Variants in GPR78 observed in about 807,000 individuals in gnomAD.
The protein encoded by GPR78 is G protein-coupled receptor 78.
Under a neutral mutation model 17.9 loss-of-function variants are expected in GPR78, and 29 were observed. That is an observed-to-expected ratio of 1.62 (90% CI 1.20 to 2.21). The LOEUF (loss-of-function observed/expected upper bound fraction) is 2.21, where lower values mean the gene tolerates loss of function less well. Among genes scored for constraint, GPR78 ranks in the 30% most tolerant of loss-of-function variants. GPR78 has a pLI of 0.00. For synonymous variants in GPR78, 349 were observed against 256.9 expected (o/e 1.36, Z -3.43); for missense variants, 649 against 530.5 (o/e 1.22, Z -2.19).
intron 2 of GPR78, among the ~76,000 whole-genome samples, chr4:8,585,499 C>G (rs1378406608): frequency 1.3e-5 from 2 of 152,140 alleles, no homozygotes; most frequent in Non-Finnish European, 2.9e-5. Flanking sequence ...TTGGCTGTGA[C>G]CAGTCTCCAG....
rs1713234742 is a variant in GPR78 at position 8,580,705 on chromosome 4, G to C, written c.-278G>C. ...GCCTCAGGACAGTCCTGCCGGGACG[G>C]TGAGCGCATTCAGCACCCTGGACAG... On this transcript the variant is annotated 5_prime_UTR_variant, in exon 1 of 3. Transcript: ENST00000382487. 1 of 505,602 alleles carries C rather than the reference G, an allele frequency of 2.0e-6. No individual in the cohort carries two copies. Among genetic ancestry groups the C allele is most frequent in the Admixed American group, 3.9e-5 (1 of 25,816 alleles). 31.3% of individuals were successfully genotyped at this position (505,602 alleles called of 1,614,324 possible).
rs933206617 is a variant in GPR78 at position 8,580,824 on chromosome 4, C to T, written c.-159C>T. On this transcript the variant is annotated 5_prime_UTR_variant, in exon 1 of 3. Transcript: ENST00000382487. The stretch of plus-strand genomic sequence containing the variant: ...CGGGTGCCCCGGACCCTGCACTTGC[C>T]GCCGCTTTCCTCGCGCTGCTCTGGA... 66 of 739,216 alleles carry T rather than the reference C, an allele frequency of 8.9e-5. No individual in the cohort carries two copies. The highest frequency in any genetic ancestry group is 2.0e-4 in the South Asian group (10 of 50,970). The allele number at this position is 739,216 out of a possible 1,614,324, so 45.8% of individuals were successfully genotyped here.
At position 8,589,474 on chromosome 4, in the gene GPR78, C is replaced by T. The variant is rs939277953; in HGVS notation, c.*2111C>T. Among the ~76,000 whole-genome samples the T allele has an allele frequency of 1.3e-5, 2 of 152,044 alleles. No homozygotes were observed. The highest frequency in any genetic ancestry group is 1.3e-4 in the Admixed American group (2 of 15,276). On this transcript the variant is annotated 3_prime_UTR_variant, in exon 3 of 3. Transcript: ENST00000382487. Reference sequence around the variant, plus strand: ...ACGTGAACTCGAGACCGTGCTGCACCCCGGTGCCCCTGTGCTTATAAGGGA... The same window carrying T: ...ACGTGAACTCGAGACCGTGCTGCACTCCGGTGCCCCTGTGCTTATAAGGGA...
In GPR78 at chr4:8,587,238, C is replaced by G; in HGVS notation, c.967C>G (p.His323Asp). ...LKRTPRPAST[H>D]DSSLDVAGMV... Reference sequence around the variant, plus strand: ...GAGAACCCCGCGCCCAGCATCCACCCATGACAGCTCTCTGGATGTGGCCGG... The same window carrying G: ...GAGAACCCCGCGCCCAGCATCCACCGATGACAGCTCTCTGGATGTGGCCGG... The change falls in exon 3 of 3, where the codon CAT becomes GAT. Residue 323 changes from histidine (H) to aspartate (D), a missense_variant. His to Asp is a moderately conservative substitution (Grantham distance 81). Transcript: ENST00000382487. The G allele has an allele frequency of 6.2e-7, 1 of 1,606,632 alleles. No homozygotes were observed. The highest frequency in any genetic ancestry group is 1.1e-5 in the South Asian group (1 of 90,472).
At position 8,582,617 on chromosome 4, in the gene GPR78, T is replaced by A. The variant is rs756223947; in HGVS notation, c.755T>A (p.Ile252Asn). Reference protein sequence around the residue: ...KIGIAIATFLICFAPYVMTRL... With the variant: ...KIGIAIATFLNCFAPYVMTRL... ...GGCATTGCTATTGCGACCTTCCTCA[T>A]CTGCTTTGCCCCGTATGTCATGACC... Residue 252 changes from isoleucine (I) to asparagine (N), a missense_variant, in exon 2 of 3, where the codon ATC becomes AAC. Physicochemically the swap from Ile to Asn is moderately radical, Grantham distance 149 (BLOSUM62 -3). Transcript: ENST00000382487. The A allele has an allele frequency of 1.2e-6, 2 of 1,613,056 alleles. No homozygotes were observed. The highest frequency in any genetic ancestry group is 2.7e-5 in the African/African-American group (2 of 74,910).
intron 2 of GPR78, among the ~76,000 whole-genome samples, chr4:8,585,308 A>T (rs970660917): frequency 6.6e-6 from 1 of 152,180 alleles, no homozygotes; most frequent in Non-Finnish European, 1.5e-5. Context: ...GTGGCTCCAG[A>T]CACAGCCTCA....
At position 8,580,884 on chromosome 4, in the gene GPR78, T is replaced by C. The variant is rs1221310187; in HGVS notation, c.-99T>C. On this transcript the variant is annotated 5_prime_UTR_variant, in exon 1 of 3. Coordinates refer to ENST00000382487, the MANE Select transcript of GPR78 (RefSeq NM_080819.5). ...CCGGCTCTGCACCTCCCAGAAGCCGTGGGCGCGCCGCTCAGCTGCTCCATC... is the reference window on the plus strand; with the variant it reads ...CCGGCTCTGCACCTCCCAGAAGCCGCGGGCGCGCCGCTCAGCTGCTCCATC... 37 of 1,179,270 alleles carry C rather than the reference T, an allele frequency of 3.1e-5. No individual in the cohort carries two copies. The highest frequency in any genetic ancestry group is 3.9e-5 in the Non-Finnish European group (34 of 865,084). 73.1% of individuals were successfully genotyped at this position (1,179,270 alleles called of 1,614,324 possible).
rs754162901 is a variant in GPR78, at chr4:8,581,271, G to A, written c.289G>A (p.Val97Met). The change falls in exon 1 of 3, where the codon GTG becomes ATG. Residue 97 changes from valine to methionine, a missense_variant. Coordinates refer to ENST00000382487, the MANE Select transcript of GPR78 (RefSeq NM_080819.5). ...TFLASNAALS[V>M]AALSADQWLA... ...CCTGGCGTCCAACGCGGCGCTGAGC[G>A]TGGCGGCGCTGAGCGCAGACCAGTG... 9 of 1,590,026 alleles carry A rather than the reference G, an allele frequency of 5.7e-6. No homozygotes were observed. In the East Asian group the frequency reaches 6.8e-5, roughly 12 times the overall value.
chr4:8,584,009 G>C (rs1172933084), intron 2 of GPR78, among the ~76,000 whole-genome samples: 1 of 152,164 alleles, frequency 6.6e-6, no homozygotes, highest in East Asian at 1.9e-4. Context: ...CTATTTATCT[G>C]ATTATCATGT....
At chr4:8,585,473 C>T (rs1052240450) in intron 2 of GPR78, among the ~76,000 whole-genome samples, 6 of 152,188 alleles carry the variant, frequency 3.9e-5, no homozygotes, top group Non-Finnish European at 8.8e-5. Context: ...GACCTTCCTT[C>T]CCACTTGCCT....
In GPR78 at chr4:8,581,722, G is replaced by A. The variant is rs552277741; in HGVS notation, c.668+72G>A. On this transcript the variant is annotated intron_variant, in intron 1 of 2. Coordinates refer to ENST00000382487, the MANE Select transcript of GPR78 (RefSeq NM_080819.5). ...GCTCCCTGGGCAGTTGGCTTGAGGA[G>A]CCTGTGGGCATCACCACCGTTACTC... The A allele has an allele frequency of 8.4e-6, 10 of 1,184,358 alleles. No homozygotes were observed. The East Asian group carries it at 8.5e-5, about 10-fold the overall frequency. 73.4% of individuals were successfully genotyped at this position (1,184,358 alleles called of 1,614,324 possible). A position where few individuals can be genotyped will look rare whatever the true frequency, so the allele number is the denominator to read the frequency against.
At position 8,587,489 on chromosome 4, in the gene GPR78, T is replaced by C; in HGVS notation, c.*126T>C. 1 of 923,306 alleles carries C rather than the reference T, an allele frequency of 1.1e-6. No homozygotes were observed. Among genetic ancestry groups the C allele is most frequent in the Middle Eastern group, 2.9e-4 (1 of 3,502 alleles). The allele number at this position is 923,306 out of a possible 1,614,324, so 57.2% of individuals were successfully genotyped here. A position where few individuals can be genotyped will look rare whatever the true frequency, so the allele number is the denominator to read the frequency against. On this transcript the variant is annotated 3_prime_UTR_variant, in exon 3 of 3. Coordinates refer to ENST00000382487, the MANE Select transcript of GPR78 (RefSeq NM_080819.5). Reference sequence around the variant, plus strand: ...GCTTGACTTTGAGCTAAGGCTGAAGTACAGGAGGAGGAGGAGGAGAGGGCC... The same window carrying C: ...GCTTGACTTTGAGCTAAGGCTGAAGCACAGGAGGAGGAGGAGGAGAGGGCC...
chr4:8,581,542 T>G lies in GPR78; in HGVS notation c.560T>G (p.Val187Gly). ...HAVGFVLPLA[V>G]LCLTSLQVHR... is the part of the protein sequence containing the mutation. ...GTGGGCTTCGTGCTGCCGCTGGCGGTGCTCTGCCTCACCTCGCTCCAGGTG... is the reference window on the plus strand; with the variant it reads ...GTGGGCTTCGTGCTGCCGCTGGCGGGGCTCTGCCTCACCTCGCTCCAGGTG... Residue 187 changes from valine (V) to glycine (G), a missense_variant, in exon 1 of 3, where the codon GTG becomes GGG. By Grantham distance (109) the Val-to-Gly change is moderately radical (BLOSUM62 -3). Transcript: ENST00000382487. 1 of 1,586,960 alleles carries G rather than the reference T, an allele frequency of 6.3e-7. No individual in the cohort carries two copies. The highest frequency in any genetic ancestry group is 8.5e-7 in the Non-Finnish European group (1 of 1,174,682).
intron 1 of GPR78, 109 bp from the exon 2 acceptor site, chr4:8,582,422 A>C (rs540595749): frequency 1.4e-6 from 1 of 701,110 alleles, no homozygotes; most frequent in African/African-American, 1.7e-5. Context: ...TCCAGGCTAA[A>C]CATCCTCCTG....
At position 8,581,248 on chromosome 4, in the gene GPR78, T is replaced by G. The variant is rs761680982; in HGVS notation, c.266T>G (p.Leu89Arg). Reference protein sequence around the residue: ...CQVIGFLDTFLASNAALSVAA... With the variant: ...CQVIGFLDTFRASNAALSVAA... The stretch of plus-strand genomic sequence containing the variant: ...GTCATTGGCTTCCTGGACACCTTCC[T>G]GGCGTCCAACGCGGCGCTGAGCGTG... Residue 89 changes from leucine to arginine, a missense_variant, in exon 1 of 3, where the codon CTG becomes CGG. Physicochemically the swap from Leu to Arg is moderately radical, Grantham distance 102. Transcript: ENST00000382487. The G allele has an allele frequency of 2.2e-5, 35 of 1,593,968 alleles. No homozygotes were observed. The highest frequency in any genetic ancestry group is 3.0e-5 in the Non-Finnish European group (35 of 1,175,130).
Position 8,587,236 on chromosome 4 carries a change from C to A in GPR78, c.965C>A (p.Thr322Asn). Residue 322 changes from threonine (T) to asparagine (N), a missense_variant, in exon 3 of 3, where the codon ACC (threonine) becomes AAC (asparagine). Transcript: ENST00000382487. ...AAGAGAACCCCGCGCCCAGCATCCA[C>A]CCATGACAGCTCTCTGGATGTGGCC... is the stretch of plus-strand genomic sequence containing the variant. ...LLKRTPRPAS[T>N]HDSSLDVAGM... 1.2e-6 allele frequency: 2 copies of A among 1,606,570 alleles called. No homozygotes were observed. The highest frequency in any genetic ancestry group is 1.7e-6 in the Non-Finnish European group (2 of 1,174,740).
chr4:8,585,500 C>T (rs1713466109), intron 2 of GPR78, among the ~76,000 whole-genome samples: 1 of 152,114 alleles, frequency 6.6e-6, no homozygotes, highest in Non-Finnish European at 1.5e-5. Context: ...TGGCTGTGAC[C>T]AGTCTCCAGT....
chr4:8,581,164 C>T lies in GPR78; in HGVS notation c.182C>T (p.Pro61Leu), dbSNP rs762225283. 3.1e-6 allele frequency: 5 copies of T among 1,604,158 alleles called. No homozygotes were observed. Among genetic ancestry groups the T allele is most frequent in the Non-Finnish European group, 4.2e-6 (5 of 1,179,684 alleles). The change falls in exon 1 of 3, where the codon CCC (proline) becomes CTC (leucine). Residue 61 changes from proline (P) to leucine (L), a missense_variant. Coordinates refer to ENST00000382487, the MANE Select transcript of GPR78 (RefSeq NM_080819.5). ...GHLLLAALDM[P>L]FTLLGVMRGR... ...CTGCTGCTGGCGGCGCTGGACATGC[C>T]CTTCACGCTGCTCGGTGTGATGCGC...
At position 8,589,650 on chromosome 4, in the gene GPR78, A is replaced by G. The variant is rs538777490; in HGVS notation, c.*2287A>G. Among the ~76,000 whole-genome samples, 1 of 152,346 alleles carries G rather than the reference A, an allele frequency of 6.6e-6. No homozygotes were observed. Among genetic ancestry groups the G allele is most frequent in the African/African-American group, 2.4e-5 (1 of 41,592 alleles). ...TGGGGCCTACACTCTGTGTTATTGC[A>G]TCTCCGCCAGGCTAAAAGCCTTGGT... is the stretch of plus-strand genomic sequence containing the variant. On this transcript the variant is annotated 3_prime_UTR_variant, in exon 3 of 3. Transcript: ENST00000382487.
Sources: allele counts gnomAD v4.1 joint callset (sites outside exome capture counted in the v4.1 genomes callset), GRCh38; gene constraint gnomAD v4.1.1; transcripts MANE v1.5; gene names NCBI Gene and HGNC (gene_info 2026-07-23, HGNC 2026-07-21).